WDR70: variants seen among roughly 807,000 people sequenced by gnomAD.
WDR70 encodes WD repeat domain 70.
Under a neutral mutation model 88.6 loss-of-function variants are expected in WDR70, and 53 were observed. That is an observed-to-expected ratio of 0.60 (90% confidence interval 0.48 to 0.75). WDR70 has a LOEUF of 0.75. Among genes scored for constraint, WDR70 ranks in the 30% least tolerant of loss-of-function variants. The probability of loss-of-function intolerance (pLI) is 0.00; values close to 1 mark genes in which losing one functional copy is unlikely to be tolerated. For missense variants in WDR70, 610 were observed against 823.2 expected, an observed-to-expected ratio of 0.74 and a Z score of 3.17; for synonymous variants, 280 against 270.0, an observed-to-expected ratio of 1.04 and a Z score of -0.36.
At chr5:37,446,062 C>A (rs1304730232) in intron 7 of WDR70, among the ~76,000 whole-genome samples, 1 of 152,210 alleles carries the variant, frequency 6.6e-6, no homozygotes, top group Admixed American at 6.5e-5. Flanking sequence ...CCCCAAAACT[C>A]TTTAAGCTGA....
chr5:37,629,988 C>G (rs1409355388), intron 10 of WDR70, among the ~76,000 whole-genome samples: 3 of 152,090 alleles, frequency 2.0e-5, no homozygotes, highest in Non-Finnish European at 4.4e-5. Context: ...GGCTTTGGAT[C>G]TAGGTGGACA....
intron 10 of WDR70, among the ~76,000 whole-genome samples, chr5:37,636,593 A>G (rs1466272888): frequency 1.3e-5 from 2 of 152,220 alleles, no homozygotes; most frequent in Non-Finnish European, 1.5e-5. Context: ...CTGTAATAAG[A>G]CATATTGACA....
At chr5:37,484,283 G>A (rs1343694380) in intron 8 of WDR70, among the ~76,000 whole-genome samples, 3 of 152,338 alleles carry the variant, frequency 2.0e-5, no homozygotes, top group Non-Finnish European at 2.9e-5. Context: ...CTGAGTGAAC[G>A]AGACTCTGTC....
At chr5:37,453,788 A>G (rs961753392) in intron 7 of WDR70, among the ~76,000 whole-genome samples, 1 of 152,060 alleles carries the variant, frequency 6.6e-6, no homozygotes, top group African/African-American at 2.4e-5. Context: ...CATAATTTTA[A>G]AATTTTATCT....
At chr5:37,489,357 G>A (rs553835266) in intron 8 of WDR70, among the ~76,000 whole-genome samples, 2 of 152,266 alleles carry the variant, frequency 1.3e-5, no homozygotes, top group South Asian at 2.1e-4. Context: ...CATGGTGTTG[G>A]TGATGGCAGT....
chr5:37,723,058 C>T (rs1201331545), intron 15 of WDR70, 124 bp downstream of exon 15: 1 of 1,138,204 alleles, frequency 8.8e-7, no homozygotes, highest in African/African-American at 1.5e-5. Flanking sequence ...ATTGCCCATT[C>T]ATGTGGATAG....
At position 37,721,196 on chromosome 5, in the gene WDR70, G is replaced by A; in HGVS notation, c.1498G>A (p.Asp500Asn). Residue 500 changes from aspartate to asparagine, a missense_variant, in exon 14 of 18, where the codon GAC (aspartate) becomes AAC (asparagine). Physicochemically the swap from Asp to Asn is conservative, Grantham distance 23 (BLOSUM62 1). This residue lies in a region of WDR70 where 254 missense variants were observed against 300.7 expected (regional missense o/e 0.84). Coordinates refer to ENST00000265107, the MANE Select transcript of WDR70 (RefSeq NM_018034.4). ...AAATGGATTGGCTAAAGTCTATTAC[G>A]ACCCCAACAAGAGTCAGAGGTATTT... ...TGNGLAKVYY[D>N]PNKSQRGAKL... 6.2e-7 allele frequency: 1 copy of A among 1,613,558 alleles called. No homozygotes were observed. Among genetic ancestry groups the A allele is most frequent in the Non-Finnish European group, 8.5e-7 (1 of 1,179,642 alleles).
At chr5:37,380,921 C>T (rs929695320) in intron 2 of WDR70, among the ~76,000 whole-genome samples, 16 of 152,178 alleles carry the variant, frequency 1.1e-4, no homozygotes, top group Non-Finnish European at 1.9e-4. Context: ...TGATTACAGG[C>T]ATGAGCCACC....
chr5:37,424,666 C>T (rs1420762440), intron 5 of WDR70, among the ~76,000 whole-genome samples: 5 of 152,090 alleles, frequency 3.3e-5, no homozygotes, highest in African/African-American at 7.2e-5. Flanking sequence ...TGCCTCACCT[C>T]CCAAAGTACT....
intron 10 of WDR70, among the ~76,000 whole-genome samples, chr5:37,696,033 G>A (rs745412420): frequency 3.9e-5 from 6 of 152,062 alleles, no homozygotes; most frequent in African/African-American, 9.7e-5. Flanking sequence ...CAGTGCTCAC[G>A]TATTACTCTG....
intron 17 of WDR70, among the ~76,000 whole-genome samples, chr5:37,729,303 A>T (rs888954126): frequency 2.0e-5 from 3 of 152,144 alleles, no homozygotes; most frequent in Non-Finnish European, 4.4e-5. Flanking sequence ...CTGCAGTGCC[A>T]TTGCTTCTAG....
intron 8 of WDR70, chr5:37,506,624 C>T (rs2112232545): frequency 1.3e-6 from 1 of 777,752 alleles, no homozygotes; most frequent in Non-Finnish European, 2.4e-6. Flanking sequence ...CTTCAGGAGG[C>T]TTAGAATCTG....
chr5:37,480,653 C>T (rs1416291972), intron 8 of WDR70, among the ~76,000 whole-genome samples: 1 of 152,198 alleles, frequency 6.6e-6, no homozygotes, highest in Admixed American at 6.5e-5. Context: ...TGGCCCCGCC[C>T]TTGACACATG....
chr5:37,585,562 T>C (rs1743342708), intron 9 of WDR70, among the ~76,000 whole-genome samples: 2 of 152,248 alleles, frequency 1.3e-5, no homozygotes, highest in Admixed American at 1.3e-4. Flanking sequence ...TTTGTACTAT[T>C]AGATGCACTA....
chr5:37,395,698 A>G (rs1748987455), intron 4 of WDR70, among the ~76,000 whole-genome samples: 1 of 152,184 alleles, frequency 6.6e-6, no homozygotes, highest in South Asian at 2.1e-4. Flanking sequence ...AATATAGTTA[A>G]TTGAGGCACT....
chr5:37,515,077 A>G (rs182074288), intron 8 of WDR70, among the ~76,000 whole-genome samples: 22 of 152,222 alleles, frequency 1.4e-4, no homozygotes, highest in African/African-American at 4.8e-4. Flanking sequence ...TACAGTACAT[A>G]TTAACTGATA....
At chr5:37,593,355 T>TCCAAGG (rs1743597721) in intron 9 of WDR70, among the ~76,000 whole-genome samples, 1 of 152,098 alleles carries the variant, frequency 6.6e-6, no homozygotes, top group South Asian at 2.1e-4. Flanking sequence ...CCCTGCCCTG[T>TCCAAGG]GTTCTCATTG....
At chr5:37,591,566 C>G (rs911862756) in intron 9 of WDR70, among the ~76,000 whole-genome samples, 3 of 152,198 alleles carry the variant, frequency 2.0e-5, no homozygotes, top group Non-Finnish European at 2.9e-5. Context: ...AAAAACCTTT[C>G]CACTATGAAA....
At chr5:37,528,640 A>G (rs1741383217) in intron 9 of WDR70, among the ~76,000 whole-genome samples, 1 of 151,740 alleles carries the variant, frequency 6.6e-6, no homozygotes, top group Non-Finnish European at 1.5e-5. Flanking sequence ...AAAAAAAACT[A>G]TTAATGTTTT....
Sources: gnomAD v4.1 joint callset for allele counts (sites outside exome capture counted in the v4.1 genomes callset) on GRCh38, gnomAD v4.1.1 for gene constraint, gnomAD v4.1.1 regional missense constraint, MANE v1.5 for transcripts, NCBI Gene and HGNC (gene_info 2026-07-23, HGNC 2026-07-21) for gene names.